IL12RB1: variants seen among roughly 807,000 people sequenced by gnomAD.
The protein encoded by IL12RB1 is interleukin-12 receptor subunit beta-1.
A neutral mutation model predicts 94.4 loss-of-function variants in IL12RB1; 64 were observed. That is an observed-to-expected ratio of 0.68 (90% confidence interval 0.55 to 0.83). IL12RB1 has a LOEUF of 0.83. Ranked by LOEUF, IL12RB1 falls within the 40% of genes least tolerant of loss-of-function variation. IL12RB1 has a pLI of 0.00. For missense variants in IL12RB1, 814 were observed against 855.6 expected (o/e 0.95, Z 0.61); for synonymous variants, 362 against 355.5 (o/e 1.02, Z -0.21).
chr19:18,066,618 G>T lies in IL12RB1; in HGVS notation c.1407C>A (p.Ser469=), dbSNP rs1426378545. ...LDSVSVDWAP[S]LLSTCPGVLK... The stretch of plus-strand genomic sequence containing the variant: ...GGACGCCGGGACAGGTGCTCAGCAG[G>T]GATGGTGCCCAGTCCACAGACACAG... The change falls in exon 12 of 17, where the codon TCC becomes TCA. Residue 469 remains serine, a synonymous_variant. Transcript: ENST00000593993. The T allele has an allele frequency of 6.2e-7, 1 of 1,612,914 alleles. No homozygotes were observed. The highest frequency in any genetic ancestry group is 1.1e-5 in the South Asian group (1 of 91,054).
chr19:18,074,431 G>A lies in IL12RB1; in HGVS notation c.701-832C>T, dbSNP rs572003066. ...TGTCCTTGAGACACCGTGAGGTTCA[G>A]CCTGATGATTCTCACTTGATAAAGC... On this transcript the variant is annotated intron_variant, in intron 7 of 16. Transcript: ENST00000593993. Among the ~76,000 whole-genome samples, 3 of 152,270 alleles carry A rather than the reference G, an allele frequency of 2.0e-5. No homozygotes were observed. In the South Asian group the frequency reaches 6.2e-4, roughly 32 times the overall value.
At chr19:18,084,146 TTCATTCATCCATCTAC>T (rs1807109820) in intron 1 of IL12RB1, among the ~76,000 whole-genome samples, 1 of 150,544 alleles carries the variant, frequency 6.6e-6, no homozygotes, top group Admixed American at 6.6e-5. Context: ...CATCCATGTG[TTCATTCATCCATCTAC>T]TCATCCATCC....
intron 1 of IL12RB1, among the ~76,000 whole-genome samples, chr19:18,094,731 G>A (rs912116864): frequency 1.3e-5 from 2 of 152,134 alleles, no homozygotes; most frequent in Non-Finnish European, 2.9e-5. Flanking sequence ...TGGGCATGGC[G>A]GCATGTGCCT....
At chr19:18,069,408 G>A in intron 10 of IL12RB1, 138 bp downstream of exon 10, 2 of 843,130 alleles carry the variant, frequency 2.4e-6, no homozygotes, top group Non-Finnish European at 3.6e-6. Context: ...CCCTACCTCT[G>A]TATGACATTG....
chr19:18,080,971 G>A lies in IL12RB1; in HGVS notation c.270C>T (p.Ala90=), dbSNP rs199719163. 9.9e-6 allele frequency: 16 copies of A among 1,613,554 alleles called. No homozygotes were observed. Among genetic ancestry groups the A allele is most frequent in the Middle Eastern group, 1.7e-4 (1 of 5,920 alleles). ...CLSSGRCCYF[A]AGSATRLQFS... ...ACTGCAGCCTGGTGGCTGAGCCGGCGGCGAAGTAGCAGCAGCGCCCGGAGC... is the reference window on the plus strand; with the variant it reads ...ACTGCAGCCTGGTGGCTGAGCCGGCAGCGAAGTAGCAGCAGCGCCCGGAGC... The change falls in exon 4 of 17, where the codon GCC becomes GCT. Residue 90 remains alanine (A), a synonymous_variant. Coordinates refer to ENST00000593993, the MANE Select transcript of IL12RB1 (RefSeq NM_005535.3).
intron 9 of IL12RB1, among the ~76,000 whole-genome samples, 172 bp downstream of exon 9, chr19:18,071,940 C>T (rs1167545624): frequency 1.3e-5 from 2 of 152,178 alleles, no homozygotes; most frequent in African/African-American, 2.4e-5. Flanking sequence ...GCTGGGATTA[C>T]AGGTGTGAGC....
At chr19:18,092,055 G>A (rs1331426699) in intron 1 of IL12RB1, among the ~76,000 whole-genome samples, 5 of 150,686 alleles carry the variant, frequency 3.3e-5, no homozygotes, top group Admixed American at 2.6e-4. Flanking sequence ...TTTTGTATTT[G>A]TAGTAGAGAT....
At chr19:18,077,736 G>T (rs1426029697) in intron 4 of IL12RB1, 81 bp from the exon 5 acceptor site, 7 of 852,598 alleles carry the variant, frequency 8.2e-6, no homozygotes, top group Non-Finnish European at 1.4e-5. Context: ...CCCTGTCCAG[G>T]GTAAGCAACT....
Position 18,083,430 on chromosome 19 carries a change from AC to A in IL12RB1, c.124+1del, listed in dbSNP as rs1274555850. ...AGCCAACAATGAGGAACTGCCCCGA[AC>A]CTGAGTCTGCATCCGGATATGGCGG... On this transcript the variant is annotated splice_donor_variant, in intron 2 of 16. Transcript: ENST00000593993. LOFTEE classifies it high-confidence loss of function. 6.2e-7 allele frequency: 1 copy of A among 1,614,032 alleles called. No homozygotes were observed. Among genetic ancestry groups the A allele is most frequent in the Admixed American group, 1.7e-5 (1 of 60,020 alleles).
At chr19:18,069,752 ATC>A in intron 9 of IL12RB1, 39 bp from the exon 10 acceptor site, 1 of 1,474,816 alleles carries the variant, frequency 6.8e-7, no homozygotes, top group Non-Finnish European at 9.5e-7. Context: ...GACAGTTGCC[ATC>A]TCTCTCCCCA....
intron 12 of IL12RB1, among the ~76,000 whole-genome samples, chr19:18,065,639 T>C (rs1273405922): frequency 6.6e-6 from 1 of 152,028 alleles, no homozygotes; most frequent in African/African-American, 2.4e-5. Context: ...GTCAACATGG[T>C]GAAACTCCGT....
At chr19:18,084,697 C>CATACATA (rs1367857083) in intron 1 of IL12RB1, among the ~76,000 whole-genome samples, 4 of 83,998 alleles carry the variant, frequency 4.8e-5, no homozygotes, top group African/African-American at 1.4e-4. Context: ...ATCCATCCAT[C>CATACATA]CATACATACA....
rs143370029 is a variant in IL12RB1, at chr19:18,079,095, A to G, written c.410-1440T>C. Among the ~76,000 whole-genome samples the G allele has an allele frequency of 9.6e-4, 144 of 149,702 alleles. 2 individuals are homozygous for G. The East Asian group carries it at 0.026, about 27-fold the overall frequency. On this transcript the variant is annotated intron_variant, in intron 4 of 16. Coordinates refer to ENST00000593993, the MANE Select transcript of IL12RB1 (RefSeq NM_005535.3). ...ATTACTTTTTTGGTGTGTGGTGAGAACACTTAAAATTTTTTTTTTTTTTTT... is the reference window on the plus strand; with the variant it reads ...ATTACTTTTTTGGTGTGTGGTGAGAGCACTTAAAATTTTTTTTTTTTTTTT...
intron 1 of IL12RB1, among the ~76,000 whole-genome samples, chr19:18,093,524 C>T (rs1045836595): frequency 3.9e-5 from 6 of 152,040 alleles, no homozygotes; most frequent in African/African-American, 1.4e-4. Flanking sequence ...TTTGAGACCT[C>T]TCTGGTGGCT....
At chr19:18,067,231 C>T (rs981967730) in intron 11 of IL12RB1, among the ~76,000 whole-genome samples, 2 of 139,974 alleles carry the variant, frequency 1.4e-5, no homozygotes, top group South Asian at 2.3e-4. Flanking sequence ...GGCTGAGGCA[C>T]GAGAATCGCT....
At chr19:18,079,814 G>A (rs1443367228) in intron 4 of IL12RB1, among the ~76,000 whole-genome samples, 4 of 151,868 alleles carry the variant, frequency 2.6e-5, no homozygotes, top group Non-Finnish European at 5.9e-5. Flanking sequence ...GGAGAATGGT[G>A]TGAACCCAGG....
intron 3 of IL12RB1, 79 bp from the exon 4 acceptor site, chr19:18,081,080 A>T: frequency 7.6e-7 from 1 of 1,314,718 alleles, no homozygotes; most frequent in Admixed American, 2.0e-5. Flanking sequence ...ATCACATCCC[A>T]GCATCGTTTT....
chr19:18,075,199 C>G (rs1019041493), intron 7 of IL12RB1, among the ~76,000 whole-genome samples: 3 of 151,672 alleles, frequency 2.0e-5, no homozygotes, highest in Non-Finnish European at 4.4e-5. Flanking sequence ...CACTCACCAC[C>G]TTGTTTCTAA....
chr19:18,059,509 G>A lies in IL12RB1; in HGVS notation c.*99C>T. 1 of 742,978 alleles carries A rather than the reference G, an allele frequency of 1.3e-6. No individual in the cohort carries two copies. The highest frequency in any genetic ancestry group is 1.9e-5 in the Admixed American group (1 of 52,312). 46.0% of individuals were successfully genotyped at this position (742,978 alleles called of 1,614,324 possible). ...GGGGCAGAGAGGAGGCAGGTGCACT[G>A]GAGCCTGGAGGAGCTCTGGGTTATT... On this transcript the variant is annotated 3_prime_UTR_variant, in exon 17 of 17. Coordinates refer to ENST00000593993, the MANE Select transcript of IL12RB1 (RefSeq NM_005535.3).
Sources: gnomAD v4.1 joint callset for allele counts (sites outside exome capture counted in the v4.1 genomes callset) on GRCh38, gnomAD v4.1.1 for gene constraint, MANE v1.5 for transcripts, NCBI Gene and HGNC (gene_info 2026-07-23, HGNC 2026-07-21) for gene names.